MAGI2: variants seen among roughly 807,000 people sequenced by gnomAD.
The protein encoded by MAGI2 is membrane-associated guanylate kinase, WW and PDZ domain-containing protein 2.
MAGI2 carries 35 observed loss-of-function variants against 133.3 expected under a neutral mutation model. The ratio of observed to expected loss-of-function variants is 0.26; its 90% confidence interval spans 0.20 to 0.35. The LOEUF is 0.35. Among genes scored for constraint, MAGI2 ranks in the 10% least tolerant of loss-of-function variants. MAGI2 has a pLI of 1.00. For missense variants in MAGI2, 1,636 were observed against 1,863.4 expected (o/e 0.88, Z 2.25); for synonymous variants, 729 against 710.6 (o/e 1.03, Z -0.41).
At position 78,656,499 on chromosome 7, in the gene MAGI2, G is replaced by C. The variant is rs529737160; in HGVS notation, c.419-29260C>G. Reference sequence around the variant, plus strand: ...AAAGTCTAATACACAGAAACAGAGAGTAGAACAGTGGTTCTACTCTACCAG... The same window carrying C: ...AAAGTCTAATACACAGAAACAGAGACTAGAACAGTGGTTCTACTCTACCAG... On this transcript the variant is annotated intron_variant, in intron 2 of 21. Coordinates refer to ENST00000354212, the MANE Select transcript of MAGI2 (RefSeq NM_012301.4). 3.9e-5 allele frequency among the ~76,000 whole-genome samples: 6 copies of C among 152,202 alleles called. No homozygotes were observed. In the South Asian group the frequency reaches 1.2e-3, roughly 32 times the overall value.
intron 21 of MAGI2, among the ~76,000 whole-genome samples, chr7:78,049,519 G>A (rs1811791990): frequency 6.6e-6 from 1 of 152,208 alleles, no homozygotes; most frequent in Non-Finnish European, 1.5e-5. Flanking sequence ...TCATGGCTGA[G>A]AGCTCGGTAG....
intron 1 of MAGI2, among the ~76,000 whole-genome samples, chr7:79,364,731 CA>C (rs1842586883): frequency 6.6e-6 from 1 of 151,584 alleles, no homozygotes; most frequent in African/African-American, 2.4e-5. Flanking sequence ...AAGGATCTGG[CA>C]AAAAAACTGA....
At chr7:79,319,104 T>G (rs1285639459) in intron 1 of MAGI2, among the ~76,000 whole-genome samples, 1 of 152,162 alleles carries the variant, frequency 6.6e-6, no homozygotes, top group Non-Finnish European at 1.5e-5. Flanking sequence ...TTTTTGAGGC[T>G]AGTTTTAGAA....
chr7:78,768,218 C>A (rs1825225233), intron 2 of MAGI2, among the ~76,000 whole-genome samples: 1 of 152,180 alleles, frequency 6.6e-6, no homozygotes, highest in African/African-American at 2.4e-5. Context: ...AACCACCTCA[C>A]CTGTAGTCAT....
intron 1 of MAGI2, among the ~76,000 whole-genome samples, chr7:79,240,798 T>G (rs1185144026): frequency 6.6e-6 from 1 of 151,950 alleles, no homozygotes; most frequent in Non-Finnish European, 1.5e-5. Context: ...CTCTCTTTTT[T>G]CCAATCTTTC....
intron 2 of MAGI2, among the ~76,000 whole-genome samples, chr7:78,957,341 A>G (rs1184505545): frequency 6.6e-6 from 1 of 151,490 alleles, no homozygotes. Flanking sequence ...TTATAAGTAA[A>G]GGAGCATATT....
intron 2 of MAGI2, among the ~76,000 whole-genome samples, chr7:78,803,488 T>A (rs58661702): frequency 0.043 from 6,337 of 148,960 alleles, 386 homozygotes; most frequent in African/African-American, 0.14. Flanking sequence ...CATTTATTTA[T>A]TTTTTTTTTT....
intron 2 of MAGI2, among the ~76,000 whole-genome samples, chr7:78,998,975 G>A (rs186899024): frequency 8.2e-4 from 125 of 152,172 alleles, no homozygotes; most frequent in African/African-American, 2.6e-3. Context: ...TGAAAGGTGC[G>A]TTATTTTCCA....
chr7:78,873,002 T>G (rs1795153751), intron 2 of MAGI2, among the ~76,000 whole-genome samples: 1 of 152,088 alleles, frequency 6.6e-6, no homozygotes, highest in East Asian at 1.9e-4. Flanking sequence ...CTAGATAAAA[T>G]AGTTATAAAT....
chr7:78,036,864 T>C (rs1021924078), intron 21 of MAGI2, among the ~76,000 whole-genome samples: 2 of 152,332 alleles, frequency 1.3e-5, no homozygotes, highest in East Asian at 3.9e-4. Flanking sequence ...TCCACCCTCT[T>C]TGGCCTCCCA....
intron 1 of MAGI2, among the ~76,000 whole-genome samples, chr7:79,022,374 G>A (rs1000238472): frequency 6.6e-6 from 1 of 152,066 alleles, no homozygotes; most frequent in African/African-American, 2.4e-5. Flanking sequence ...TACATCCAAA[G>A]CAGTGATAAG....
chr7:78,660,094 G>A (rs1411247043), intron 2 of MAGI2, among the ~76,000 whole-genome samples: 4 of 150,696 alleles, frequency 2.7e-5, no homozygotes, highest in Non-Finnish European at 3.0e-5. Context: ...GACACAGGAA[G>A]GGGAACATCA....
At chr7:78,944,222 A>AT (rs955428460) in intron 2 of MAGI2, among the ~76,000 whole-genome samples, 3 of 152,144 alleles carry the variant, frequency 2.0e-5, no homozygotes, top group African/African-American at 7.2e-5. Context: ...TTTTATAATG[A>AT]TCCCCCTGAC....
intron 1 of MAGI2, among the ~76,000 whole-genome samples, chr7:79,122,786 G>A (rs1161606881): frequency 6.6e-6 from 1 of 151,774 alleles, no homozygotes; most frequent in African/African-American, 2.4e-5. Flanking sequence ...CCACCTCCCA[G>A]GTTCAAGTAA....
At chr7:79,291,266 A>T (rs1836460883) in intron 1 of MAGI2, among the ~76,000 whole-genome samples, 1 of 152,124 alleles carries the variant, frequency 6.6e-6, no homozygotes, top group African/African-American at 2.4e-5. Context: ...TATATGGATG[A>T]ATAATATTCC....
At chr7:78,033,738 G>C (rs1012229425) in intron 21 of MAGI2, among the ~76,000 whole-genome samples, 3 of 152,138 alleles carry the variant, frequency 2.0e-5, no homozygotes, top group African/African-American at 7.2e-5. Flanking sequence ...GCAGAGAGTA[G>C]GGAAGAGTAT....
At chr7:78,195,108 C>G in intron 11 of MAGI2, 45 bp from the exon 12 acceptor site, 5 of 1,494,020 alleles carry the variant, frequency 3.3e-6, no homozygotes, top group Non-Finnish European at 4.5e-6. Context: ...CAAATTCTTC[C>G]TGGCTATTTC....
At chr7:78,155,449 A>T (rs759961462) in intron 16 of MAGI2, among the ~76,000 whole-genome samples, 1 of 152,136 alleles carries the variant, frequency 6.6e-6, no homozygotes, top group Non-Finnish European at 1.5e-5. Context: ...CCTCGTCTCT[A>T]CTAAAAATAC....
intron 2 of MAGI2, among the ~76,000 whole-genome samples, chr7:78,857,238 A>C (rs557979634): frequency 0.025 from 3,855 of 151,786 alleles, 64 homozygotes; most frequent in Middle Eastern, 0.045. Context: ...ATTGAATGCT[A>C]TTTATTTCTT....
Sources: gnomAD v4.1 joint callset for allele counts (sites outside exome capture counted in the v4.1 genomes callset) on GRCh38, gnomAD v4.1.1 for gene constraint, MANE v1.5 for transcripts, NCBI Gene and HGNC (gene_info 2026-07-23, HGNC 2026-07-21) for gene names.